Variants in WDR70 observed in about 807,000 individuals in gnomAD.
The protein encoded by WDR70 is WD repeat domain 70.
In WDR70, 53 loss-of-function variants were observed where a neutral mutation model predicts 88.6. That is an observed-to-expected ratio of 0.60 (90% CI 0.48 to 0.75). The LOEUF is 0.75. Ranked by LOEUF, WDR70 falls within the 30% of genes least tolerant of loss-of-function variation. The pLI is 0.00. For synonymous variants in WDR70, 280 were observed against 270.0 expected (o/e 1.04, Z -0.36); for missense variants, 610 against 823.2 (o/e 0.74, Z 3.17).
chr5:37,413,595 C>A (rs912043522), intron 5 of WDR70, among the ~76,000 whole-genome samples: 1 of 151,890 alleles, frequency 6.6e-6, no homozygotes, highest in Middle Eastern at 3.2e-3. Flanking sequence ...GTGGCGTGTG[C>A]CTGTGATCCC....
chr5:37,650,293 C>T (rs1745365199), intron 10 of WDR70, among the ~76,000 whole-genome samples: 1 of 151,464 alleles, frequency 6.6e-6, no homozygotes, highest in Admixed American at 6.6e-5. Flanking sequence ...CCCAGCTACT[C>T]AGGAGGCTGA....
intron 9 of WDR70, among the ~76,000 whole-genome samples, chr5:37,591,909 A>T (rs911896771): frequency 6.6e-6 from 1 of 152,232 alleles, no homozygotes; most frequent in African/African-American, 2.4e-5. Flanking sequence ...GCACAGACTT[A>T]AAAAAGAGAA....
In WDR70 at chr5:37,605,080, G is replaced by C; in HGVS notation, c.934G>C (p.Glu312Gln). ...CATTTTTAGGACTGTGAGGACGTGGGAAGTTGAAAATCCAAAGAAGCAAAA... is the reference window on the plus strand; with the variant it reads ...CATTTTTAGGACTGTGAGGACGTGGCAAGTTGAAAATCCAAAGAAGCAAAA... Reference protein sequence around the residue: ...CSNDATVRTWEVENPKKQKSV... With the variant: ...CSNDATVRTWQVENPKKQKSV... The change falls in exon 10 of 18, where the codon GAA (glutamate) becomes CAA (glutamine). Residue 312 changes from glutamate (E) to glutamine (Q), a missense_variant. By Grantham distance (29) the Glu-to-Gln change is conservative. Coordinates refer to ENST00000265107, the MANE Select transcript of WDR70 (RefSeq NM_018034.4). The C allele has an allele frequency of 6.2e-7, 1 of 1,610,504 alleles. No homozygotes were observed. Among genetic ancestry groups the C allele is most frequent in the East Asian group, 2.2e-5 (1 of 44,752 alleles).
At chr5:37,565,634 T>G (rs1219024946) in intron 9 of WDR70, among the ~76,000 whole-genome samples, 2 of 152,162 alleles carry the variant, frequency 1.3e-5, no homozygotes, top group Non-Finnish European at 2.9e-5. Flanking sequence ...TTACAACTGT[T>G]AATTCCCAGG....
At chr5:37,527,731 C>G (rs1741334855) in intron 9 of WDR70, among the ~76,000 whole-genome samples, 1 of 152,156 alleles carries the variant, frequency 6.6e-6, no homozygotes, top group Admixed American at 6.5e-5. Flanking sequence ...GCAATCTACT[C>G]ATCTGACAAA....
intron 8 of WDR70, among the ~76,000 whole-genome samples, chr5:37,484,148 G>A (rs934854845): frequency 9.2e-5 from 14 of 152,196 alleles, no homozygotes; most frequent in Non-Finnish European, 1.5e-4. Context: ...CTTCCCAGAC[G>A]GGGTGGCAGC....
chr5:37,666,103 AG>A (rs1031078584), intron 10 of WDR70, among the ~76,000 whole-genome samples: 2 of 152,204 alleles, frequency 1.3e-5, no homozygotes, highest in Non-Finnish European at 2.9e-5. Context: ...TGGACTTCAA[AG>A]GGGGGCACCG....
At chr5:37,449,615 AAATAAATAAAT>A (rs1738608129) in intron 7 of WDR70, among the ~76,000 whole-genome samples, 1 of 44,358 alleles carries the variant, frequency 2.3e-5, no homozygotes, top group Non-Finnish European at 5.4e-5. Flanking sequence ...AAAAAATAAA[AAATAAATAAAT>A]AAATAAATAA....
chr5:37,385,895 C>A (rs1466653067), intron 3 of WDR70, among the ~76,000 whole-genome samples: 3 of 152,180 alleles, frequency 2.0e-5, no homozygotes, highest in African/African-American at 7.2e-5. Context: ...GCTCCGCCTC[C>A]CGGGTTCACG....
intron 10 of WDR70, among the ~76,000 whole-genome samples, chr5:37,637,334 A>AT (rs1744997660): frequency 1.7e-5 from 2 of 120,446 alleles, no homozygotes; most frequent in South Asian, 5.4e-4. Flanking sequence ...CAAAAAATAA[A>AT]TAAATTAAAT....
At chr5:37,448,812 G>A (rs1376629618) in intron 7 of WDR70, among the ~76,000 whole-genome samples, 7 of 151,830 alleles carry the variant, frequency 4.6e-5, no homozygotes, top group Non-Finnish European at 1.0e-4. Context: ...GTCCCTGACT[G>A]TTTCTCAGTC....
intron 17 of WDR70, among the ~76,000 whole-genome samples, chr5:37,730,953 G>C (rs1253566403): frequency 6.6e-6 from 1 of 152,098 alleles, no homozygotes; most frequent in Non-Finnish European, 1.5e-5. Flanking sequence ...AATTATTAGG[G>C]TATGTTCCCA....
At chr5:37,624,216 T>A in intron 10 of WDR70, among the ~76,000 whole-genome samples, 1 of 152,164 alleles carries the variant, frequency 6.6e-6, no homozygotes, top group East Asian at 1.9e-4. Context: ...CCCTCTACCC[T>A]TCTCAGCCTC....
At chr5:37,706,810 A>T (rs1422790420) in intron 13 of WDR70, among the ~76,000 whole-genome samples, 1 of 152,022 alleles carries the variant, frequency 6.6e-6, no homozygotes, top group Non-Finnish European at 1.5e-5. Context: ...TGATTTGAAT[A>T]GTATGCTTGG....
At chr5:37,467,506 C>A (rs1739191867) in intron 7 of WDR70, among the ~76,000 whole-genome samples, 1 of 150,512 alleles carries the variant, frequency 6.6e-6, no homozygotes, top group Non-Finnish European at 1.5e-5. Flanking sequence ...AATATCCTCA[C>A]TTTGGGGGTT....
At chr5:37,627,482 T>A (rs1373788821) in intron 10 of WDR70, among the ~76,000 whole-genome samples, 1 of 152,162 alleles carries the variant, frequency 6.6e-6, no homozygotes, top group Non-Finnish European at 1.5e-5. Flanking sequence ...GTTTGTTTTT[T>A]TTCTTCATTT....
chr5:37,696,664 TAC>T (rs140423759), intron 10 of WDR70, among the ~76,000 whole-genome samples: 1 of 140,654 alleles, frequency 7.1e-6, no homozygotes, highest in Non-Finnish European at 1.6e-5. Flanking sequence ...GGTACACAGG[TAC>T]ACACACACGC....
intron 7 of WDR70, among the ~76,000 whole-genome samples, chr5:37,444,439 A>C (rs1021563116): frequency 2.0e-5 from 3 of 147,974 alleles, no homozygotes; most frequent in African/African-American, 7.4e-5. Flanking sequence ...CTTGGGCTCA[A>C]GACATCCTCC....
intron 9 of WDR70, among the ~76,000 whole-genome samples, chr5:37,598,921 G>A (rs924505025): frequency 2.0e-5 from 3 of 152,160 alleles, no homozygotes; most frequent in Non-Finnish European, 1.5e-5. Context: ...TGCCCCAGGC[G>A]CAAATGCTTT....
Sources: gnomAD v4.1 joint callset for allele counts (sites outside exome capture counted in the v4.1 genomes callset) on GRCh38, gnomAD v4.1.1 for gene constraint, MANE v1.5 for transcripts, NCBI Gene and HGNC (gene_info 2026-07-23, HGNC 2026-07-21) for gene names.